Variants in DST observed in about 807,000 individuals in gnomAD.
DST encodes dystonin, also known as bullous pemphigoid antigen.
DST carries 253 observed loss-of-function variants against 875.2 expected under a neutral mutation model. The ratio of observed to expected loss-of-function variants is 0.29; its 90% confidence interval spans 0.26 to 0.32. The LOEUF (loss-of-function observed/expected upper bound fraction) is 0.32. Ranked by LOEUF, DST falls within the 10% of genes least tolerant of loss-of-function variation. DST has a pLI of 1.00. For missense variants in DST, 8,287 were observed against 9,111.6 expected (o/e 0.91, Z 3.68); for synonymous variants, 3,124 against 3,197.1 (o/e 0.98, Z 0.77).
intron 4 of DST, among the ~76,000 whole-genome samples, chr6:56,762,359 G>GA (rs1358457592): frequency 6.6e-6 from 1 of 152,154 alleles, no homozygotes; most frequent in African/African-American, 2.4e-5. Context: ...AGGGGCTTTA[G>GA]AAATCATCTC....
intron 68 of DST, 62 bp from the exon 69 acceptor site, chr6:56,526,629 T>C (rs2096801986): frequency 1.4e-6 from 2 of 1,479,220 alleles, no homozygotes; most frequent in East Asian, 2.3e-5. Flanking sequence ...CCTTTAACTG[T>C]TCTTGGAGCT....
rs1372553009 is a variant in DST, at chr6:56,606,310, A to G, written c.8318T>C (p.Val2773Ala). The change falls in exon 40 of 104, where the codon GTA becomes GCA. Residue 2773 changes from valine (V) to alanine (A), a missense_variant. By Grantham distance (64) the Val-to-Ala change is moderately conservative. Transcript: ENST00000680361. Reference sequence around the variant, plus strand: ...ATCGGAGTGAAATTCCTGTCCAGTTACATACTCTTCCTTTCTTCCTCTCCA... The same window carrying G: ...ATCGGAGTGAAATTCCTGTCCAGTTGCATACTCTTCCTTTCTTCCTCTCCA... The part of the protein sequence containing the change: ...GSWRGRKEEY[V>A]TGQEFHSDTD... 1 of 1,607,098 alleles carries G rather than the reference A, an allele frequency of 6.2e-7. No individual in the cohort carries two copies. The highest frequency in any genetic ancestry group is 8.5e-7 in the Non-Finnish European group (1 of 1,176,370).
In DST at chr6:56,851,461, C is replaced by T. The variant is rs1209164272; in HGVS notation, c.561G>A (p.Ser187=). The change falls in exon 4 of 104, where the codon TCG becomes TCA. Residue 187 remains serine, a synonymous_variant. Transcript: ENST00000680361. The part of the protein sequence containing the change: ...LPWNLPKHER[S]KRKIQGGSVL... ...CTGAGCCCCCTTGAATCTTTCTTTT[C>T]GATCTCTCATGTTTAGGCAAATTCC... The T allele has an allele frequency of 1.9e-6, 3 of 1,614,058 alleles. No individual in the cohort carries two copies. In the South Asian group the frequency reaches 3.3e-5, roughly 18 times the overall value.
At chr6:56,696,657 G>A (rs2099265848) in intron 9 of DST, among the ~76,000 whole-genome samples, 1 of 152,068 alleles carries the variant, frequency 6.6e-6, no homozygotes, top group African/African-American at 2.4e-5. Flanking sequence ...CTGCTCCCAG[G>A]AGCTTGGGTC....
chr6:56,713,506 G>A (rs1228653920), intron 5 of DST, among the ~76,000 whole-genome samples: 5 of 152,158 alleles, frequency 3.3e-5, no homozygotes, highest in African/African-American at 1.2e-4. Context: ...CGAACAGTGA[G>A]CCACTTGCTG....
intron 5 of DST, among the ~76,000 whole-genome samples, chr6:56,732,405 T>C (rs1289535773): frequency 6.6e-6 from 1 of 152,212 alleles, no homozygotes; most frequent in Non-Finnish European, 1.5e-5. Context: ...TCAGGAAAAC[T>C]TTTTCTAATA....
At chr6:56,584,602 T>C (rs1350560190) in intron 49 of DST, among the ~76,000 whole-genome samples, 4 of 151,548 alleles carry the variant, frequency 2.6e-5, no homozygotes, top group Admixed American at 6.6e-5. Flanking sequence ...TCCTGCCTAA[T>C]TGCCCTGGCC....
chr6:56,816,930 T>C (rs947372203), intron 4 of DST, among the ~76,000 whole-genome samples: 2 of 152,094 alleles, frequency 1.3e-5, no homozygotes, highest in African/African-American at 4.8e-5. Flanking sequence ...TGAAGATCTT[T>C]ATAGTCTCTG....
intron 61 of DST, among the ~76,000 whole-genome samples, chr6:56,545,150 G>A (rs1269965047): frequency 1.3e-5 from 2 of 151,606 alleles, no homozygotes; most frequent in Non-Finnish European, 2.9e-5. Flanking sequence ...GTACAGATGC[G>A]CACCACTACA....
At chr6:56,502,217 C>T (rs1322992416) in intron 78 of DST, among the ~76,000 whole-genome samples, 1 of 152,104 alleles carries the variant, frequency 6.6e-6, no homozygotes, top group Non-Finnish European at 1.5e-5. Flanking sequence ...GCTATTCTCT[C>T]TCCTTCTACT....
At chr6:56,643,270 T>G (rs1159640532) in intron 15 of DST, among the ~76,000 whole-genome samples, 1 of 152,206 alleles carries the variant, frequency 6.6e-6, no homozygotes, top group Admixed American at 6.5e-5. Context: ...TGCTGAATAA[T>G]GTAAGGAAGG....
chr6:56,546,876 C>A (rs2097238431), intron 61 of DST, among the ~76,000 whole-genome samples: 1 of 152,118 alleles, frequency 6.6e-6, no homozygotes, highest in African/African-American at 2.4e-5. Flanking sequence ...ACAGTAGATA[C>A]CGCAGTTTGG....
chr6:56,518,731 C>T (rs1381052509), intron 69 of DST, among the ~76,000 whole-genome samples: 1 of 152,066 alleles, frequency 6.6e-6, no homozygotes, highest in Non-Finnish European at 1.5e-5. Context: ...CACCACAGTA[C>T]CAACCATAAA....
At chr6:56,516,186 A>AGAGAAG (rs2096589163) in intron 71 of DST, among the ~76,000 whole-genome samples, 1 of 151,136 alleles carries the variant, frequency 6.6e-6, no homozygotes, top group Non-Finnish European at 1.5e-5. Flanking sequence ...AGAAAGAGAA[A>AGAGAAG]GAGAAAGAGA....
At chr6:56,710,257 C>T (rs1006845953) in intron 5 of DST, among the ~76,000 whole-genome samples, 2 of 152,134 alleles carry the variant, frequency 1.3e-5, no homozygotes, top group Non-Finnish European at 2.9e-5. Flanking sequence ...ATGCAGGCAT[C>T]CTAGTGAGCT....
chr6:56,921,257 C>T (rs6459174), intron 2 of DST, among the ~76,000 whole-genome samples: 49,170 of 151,914 alleles, frequency 0.32, 9,268 homozygotes, highest in African/African-American at 0.52. Context: ...ATTTTAAAAT[C>T]TGAAAATAGA....
rs999838882 is a variant in DST at position 56,871,555 on chromosome 6, C to T, written c.418-19951G>A. ...ATTGAGCATATCCAAATAAACAAAG[C>T]ACCTAAGACACACTGCTGGACCTAC... On this transcript the variant is annotated intron_variant, in intron 3 of 103. Transcript: ENST00000680361. 29 of 1,060,602 alleles carry T rather than the reference C, an allele frequency of 2.7e-5. No individual in the cohort carries two copies. In the Admixed American group the frequency reaches 4.4e-4, roughly 16 times the overall value. The allele number at this position is 1,060,602 out of a possible 1,614,324, so 65.7% of individuals were successfully genotyped here.
chr6:56,643,501 G>T (rs184643643), intron 15 of DST, among the ~76,000 whole-genome samples: 2 of 152,202 alleles, frequency 1.3e-5, no homozygotes, highest in African/African-American at 4.8e-5. Flanking sequence ...AATTTAATTT[G>T]TCTGTGCTTG....
intron 3 of DST, among the ~76,000 whole-genome samples, chr6:56,896,898 C>T (rs565478797): frequency 6.6e-6 from 1 of 152,354 alleles, no homozygotes; most frequent in Non-Finnish European, 1.5e-5. Context: ...TGCAGATTCT[C>T]TCCCACTTTG....
Sources: allele counts gnomAD v4.1 joint callset (sites outside exome capture counted in the v4.1 genomes callset), GRCh38; gene constraint gnomAD v4.1.1; transcripts MANE v1.5; gene names NCBI Gene and HGNC (gene_info 2026-07-23, HGNC 2026-07-21).